RHD: variants seen among roughly 807,000 people sequenced by gnomAD.
RHD encodes the protein blood group Rh(D) polypeptide.
Under a neutral mutation model 45.5 loss-of-function variants are expected in RHD, and 16 were observed. The ratio of observed to expected loss-of-function variants is 0.35; its 90% CI spans 0.24 to 0.53. The LOEUF (loss-of-function observed/expected upper bound fraction) is 0.53, where lower values mean the gene tolerates loss of function less well. RHD is among the 20% of genes least tolerant of loss of function. RHD has a pLI of 0.92. For synonymous variants in RHD, 131 were observed against 217.5 expected (o/e 0.60, Z 3.50); for missense variants, 306 against 532.0 (o/e 0.58, Z 4.18).
intron 7 of RHD, 133 bp downstream of exon 7, chr1:25,306,862 G>A (rs1643879795): frequency 2.2e-6 from 2 of 919,206 alleles, no homozygotes; most frequent in South Asian, 1.3e-5. Context: ...ATATTTGTTG[G>A]CTGATTTATT....
intron 3 of RHD, among the ~76,000 whole-genome samples, chr1:25,297,878 G>T (rs1267202446): frequency 7.6e-6 from 1 of 131,614 alleles, no homozygotes; most frequent in Admixed American, 7.4e-5. Flanking sequence ...AGGGCAGGAG[G>T]TGCTGCCAGA....
chr1:25,282,838 C>T lies in RHD; in HGVS notation c.149-1735C>T, dbSNP rs1321032723. Among the ~76,000 whole-genome samples the T allele has an allele frequency of 1.6e-5, 2 of 128,830 alleles. 1 individual carries two copies. The highest frequency in any genetic ancestry group is 5.3e-5 in the African/African-American group (2 of 37,872). The allele number at this position is 128,830 out of a possible 152,430, so 84.5% of individuals were successfully genotyped here. A position where few individuals can be genotyped will look rare whatever the true frequency, so the allele number is the denominator to read the frequency against. Reference sequence around the variant, plus strand: ...TGAACCCGGGAGGTGGAGGTTGCAGCGAGCCGAGATCGCACCACTGCACTC... The same window carrying T: ...TGAACCCGGGAGGTGGAGGTTGCAGTGAGCCGAGATCGCACCACTGCACTC... On this transcript the variant is annotated intron_variant, in intron 1 of 9. Transcript: ENST00000328664.
intron 2 of RHD, among the ~76,000 whole-genome samples, chr1:25,287,468 G>A (rs1232679608): frequency 7.4e-6 from 1 of 135,064 alleles, no homozygotes; most frequent in African/African-American, 2.6e-5. Context: ...GCTCCTTCCT[G>A]ACCGGTTCCC....
intron 3 of RHD, among the ~76,000 whole-genome samples, chr1:25,295,914 T>G (rs1471993368): frequency 8.9e-6 from 1 of 111,746 alleles, no homozygotes; most frequent in Non-Finnish European, 2.1e-5. Context: ...CCAGGCTGGA[T>G]TGCAATGTTG....
intron 3 of RHD, among the ~76,000 whole-genome samples, chr1:25,296,302 G>A (rs149241431): frequency 0.044 from 5,564 of 125,218 alleles, 84 homozygotes; most frequent in African/African-American, 0.14. Context: ...GCTGGAGTGC[G>A]GTGGTGTGAT....
At position 25,272,786 on chromosome 1, in the gene RHD, T is replaced by G; in HGVS notation, c.148+91T>G. The G allele has an allele frequency of 1.2e-5, 16 of 1,317,994 alleles. 4 individuals carry two copies. The highest frequency in any genetic ancestry group is 1.7e-5 in the Non-Finnish European group (16 of 930,016). The allele number at this position is 1,317,994 out of a possible 1,614,324, so 81.6% of individuals were successfully genotyped here. A position where few individuals can be genotyped will look rare whatever the true frequency, so the allele number is the denominator to read the frequency against. ...GGTTCTCCAGGGGCACAGATGTTCC[T>G]TTCTACAAAATCCCAAGGAAAAAGA... On this transcript the variant is annotated intron_variant, in intron 1 of 9. Coordinates refer to ENST00000328664, the MANE Select transcript of RHD (RefSeq NM_016124.6).
At chr1:25,299,348 C>G (rs1643202456) in intron 3 of RHD, among the ~76,000 whole-genome samples, 1 of 130,750 alleles carries the variant, frequency 7.6e-6, no homozygotes, top group Non-Finnish European at 1.8e-5. Flanking sequence ...CACCAGTGCA[C>G]TCTAGCCTGG....
intron 7 of RHD, among the ~76,000 whole-genome samples, chr1:25,316,581 G>T (rs1392294342): frequency 2.2e-5 from 2 of 91,762 alleles, no homozygotes; most frequent in Non-Finnish European, 5.4e-5. Context: ...CTCCAGTCTG[G>T]ACGACAGAGT....
In RHD at chr1:25,329,242, T is replaced by TG; in HGVS notation, c.*318_*319insG. 1 of 591,928 alleles carries TG rather than the reference T, an allele frequency of 1.7e-6. No individual in the cohort carries two copies. Among genetic ancestry groups the TG allele is most frequent in the Non-Finnish European group, 2.7e-6 (1 of 364,912 alleles). 36.7% of individuals were successfully genotyped at this position (591,928 alleles called of 1,614,324 possible). ...TTAATTTATTATTATTCCTTGTTTT[T>TG]TTTTTTTTTTTTTTTTTTTTGAGAT... On this transcript the variant is annotated 3_prime_UTR_variant, in exon 10 of 10. Transcript: ENST00000328664.
In RHD at chr1:25,316,088, C is replaced by T. The variant is rs1182777645; in HGVS notation, c.1074-912C>T. Among the ~76,000 whole-genome samples, 3 of 131,106 alleles carry T rather than the reference C, an allele frequency of 2.3e-5. 1 individual carries two copies. The highest frequency in any genetic ancestry group is 1.9e-4 in the East Asian group (1 of 5,132). 86.0% of individuals were successfully genotyped at this position (131,106 alleles called of 152,430 possible). A position where few individuals can be genotyped will look rare whatever the true frequency, so the allele number is the denominator to read the frequency against. On this transcript the variant is annotated intron_variant, in intron 7 of 9. Transcript: ENST00000328664. ...CAACTATCCGTGGGGCTGCAGTGAACGGGCTGGCAGTGCCCAGGTGCAGGC... is the reference window on the plus strand; with the variant it reads ...CAACTATCCGTGGGGCTGCAGTGAATGGGCTGGCAGTGCCCAGGTGCAGGC...
Position 25,277,143 on chromosome 1 carries a change from A to G in RHD, c.148+4448A>G, listed in dbSNP as rs664365. 7.5e-5 allele frequency among the ~76,000 whole-genome samples: 10 copies of G among 133,352 alleles called. 1 individual carries two copies. The highest frequency in any genetic ancestry group is 2.3e-4 in the South Asian group (1 of 4,378). 87.5% of individuals were successfully genotyped at this position (133,352 alleles called of 152,430 possible). A position where few individuals can be genotyped will look rare whatever the true frequency, so the allele number is the denominator to read the frequency against. On this transcript the variant is annotated intron_variant, in intron 1 of 9. Transcript: ENST00000328664. The stretch of plus-strand genomic sequence containing the variant: ...CAATATGAAGAATATAGAGAAATGC[A>G]TATCAAATCCTTCTCATTGGACCAA...
rs561658451 is a variant in RHD, at chr1:25,283,031, A to G, written c.149-1542A>G. Among the ~76,000 whole-genome samples the G allele has an allele frequency of 1.8e-4, 24 of 133,668 alleles. 4 individuals carry two copies. The highest frequency in any genetic ancestry group is 6.1e-4 in the African/African-American group (24 of 39,264). The allele number at this position is 133,668 out of a possible 152,430, so 87.7% of individuals were successfully genotyped here. A position where few individuals can be genotyped will look rare whatever the true frequency, so the allele number is the denominator to read the frequency against. On this transcript the variant is annotated intron_variant, in intron 1 of 9. Transcript: ENST00000328664. Reference sequence around the variant, plus strand: ...AAGATCTCTCTCTCTCCAGTCATTTATTCATGTGCGAAAACAGTTGGTGAT... The same window carrying G: ...AAGATCTCTCTCTCTCCAGTCATTTGTTCATGTGCGAAAACAGTTGGTGAT...
chr1:25,330,139 C>T lies in RHD; in HGVS notation c.*1215C>T, dbSNP rs569207388. 7.5e-6 allele frequency: 1 copy of T among 132,546 alleles called. No individual in the cohort carries two copies. Among genetic ancestry groups the T allele is most frequent in the East Asian group, 1.9e-4 (1 of 5,136 alleles). 8.2% of individuals were successfully genotyped at this position (132,546 alleles called of 1,614,324 possible). A position where few individuals can be genotyped will look rare whatever the true frequency, so the allele number is the denominator to read the frequency against. ...AAGGCTGATACGACAGCTCTCTGTG[C>T]ACTGATTGCATATGCATCCCAAGAT... On this transcript the variant is annotated 3_prime_UTR_variant, in exon 10 of 10. Coordinates refer to ENST00000328664, the MANE Select transcript of RHD (RefSeq NM_016124.6).
intron 6 of RHD, chr1:25,304,416 T>C (rs1643631896): frequency 7.8e-6 from 1 of 128,286 alleles, no homozygotes; most frequent in Non-Finnish European, 1.8e-5. Context: ...CTGGCCAACA[T>C]GGTGAAACCC....
chr1:25,287,153 A>G (rs1242514178), intron 2 of RHD, among the ~76,000 whole-genome samples: 2 of 134,898 alleles, frequency 1.5e-5, no homozygotes, highest in Admixed American at 1.4e-4. Context: ...CAATACACAC[A>G]CGCACACATG....
chr1:25,319,439 C>A (rs1299085408), intron 8 of RHD, among the ~76,000 whole-genome samples: 1 of 131,256 alleles, frequency 7.6e-6, no homozygotes, highest in Non-Finnish European at 1.8e-5. Flanking sequence ...AGTGAGACCC[C>A]ATCTCTACAA....
chr1:25,302,395 G>T lies in RHD; in HGVS notation c.801+709G>T, dbSNP rs528762910. ...GGTGGGGCTCGGGTGGGAGGCACTG[G>T]GGGGGCTGGAGTGGAAAGAATGTGG... On this transcript the variant is annotated intron_variant, in intron 5 of 9. Coordinates refer to ENST00000328664, the MANE Select transcript of RHD (RefSeq NM_016124.6). Among the ~76,000 whole-genome samples, 18 of 123,732 alleles carry T rather than the reference G, an allele frequency of 1.5e-4. 1 individual carries two copies. In the East Asian group the frequency reaches 3.6e-3, roughly 24 times the overall value. The allele number at this position is 123,732 out of a possible 152,430, so 81.2% of individuals were successfully genotyped here.
intron 3 of RHD, among the ~76,000 whole-genome samples, chr1:25,298,601 C>T (rs1253644507): frequency 7.6e-6 from 1 of 131,452 alleles, no homozygotes; most frequent in African/African-American, 2.6e-5. Context: ...AAACACAAGC[C>T]CGCTTTTCAG....
chr1:25,272,904 G>C (rs1179510900), intron 1 of RHD, among the ~76,000 whole-genome samples: 1 of 132,012 alleles, frequency 7.6e-6, no homozygotes, highest in African/African-American at 2.6e-5. Flanking sequence ...CTTCTGTGAA[G>C]CCTGCCTTGA....
Sources: allele counts gnomAD v4.1 joint callset (sites outside exome capture counted in the v4.1 genomes callset), GRCh38; gene constraint gnomAD v4.1.1; transcripts MANE v1.5; gene names NCBI Gene and HGNC (gene_info 2026-07-23, HGNC 2026-07-21).